The following LARS1 variants were observed in gnomAD, a reference collection of about 807,000 sequenced individuals.
The protein encoded by LARS1 is leucine--tRNA ligase, cytoplasmic.
LARS1 carries 100 observed loss-of-function variants against 162.8 expected under a neutral mutation model. The ratio of observed to expected loss-of-function variants is 0.61; its 90% CI spans 0.52 to 0.73. The LOEUF (loss-of-function observed/expected upper bound fraction) is 0.73, where lower values mean the gene tolerates loss of function less well. Among genes scored for constraint, LARS1 ranks in the 30% least tolerant of loss-of-function variants. The probability of loss-of-function intolerance (pLI) is 0.00; values close to 1 mark genes in which losing one functional copy is unlikely to be tolerated. For missense variants in LARS1, 1,258 were observed against 1,408.9 expected (o/e 0.89, Z 1.71); for synonymous variants, 457 against 462.8 (o/e 0.99, Z 0.16).
At position 146,143,406 on chromosome 5, in the gene LARS1, A is replaced by T; in HGVS notation, c.1877+6T>A. 6.2e-7 allele frequency: 1 copy of T among 1,609,670 alleles called. No individual in the cohort carries two copies. The highest frequency in any genetic ancestry group is 8.5e-7 in the Non-Finnish European group (1 of 1,177,176). On this transcript the variant is annotated splice_donor_region_variant and intron_variant, in intron 19 of 31. Coordinates refer to ENST00000394434, the MANE Select transcript of LARS1 (RefSeq NM_020117.11). Reference sequence around the variant, plus strand: ...TTATGCTCCTTTCCCTTATCTGTTTACCAACCTAATGCCCAGCGGAGACTC... The same window carrying T: ...TTATGCTCCTTTCCCTTATCTGTTTTCCAACCTAATGCCCAGCGGAGACTC...
Position 146,172,774 on chromosome 5 carries a change from G to T in LARS1, c.126C>A (p.Ser42Arg). The T allele has an allele frequency of 6.5e-7, 1 of 1,527,930 alleles. No homozygotes were observed. The highest frequency in any genetic ancestry group is 1.3e-5 in the South Asian group (1 of 77,984). 94.6% of individuals were successfully genotyped at this position (1,527,930 alleles called of 1,614,324 possible). A position where few individuals can be genotyped will look rare whatever the true frequency, so the allele number is the denominator to read the frequency against. ...VNASNLEKQT[S>R]KGKYFVTFPY... ...GGAAGGTTACAAAATACTTGCCCTT[G>T]CTGCAAAACAACAGTATAAAAAAGA... Residue 42 changes from serine (S) to arginine (R), a missense_variant and splice_region_variant, in exon 3 of 32, where the codon AGC becomes AGA. Physicochemically the swap from Ser to Arg is moderately radical, Grantham distance 110. Transcript: ENST00000394434.
intron 2 of LARS1, among the ~76,000 whole-genome samples, chr5:146,176,268 A>G (rs1004954407): frequency 1.3e-5 from 2 of 152,022 alleles, no homozygotes; most frequent in African/African-American, 2.4e-5. Flanking sequence ...CCTGGCCAAC[A>G]TGGTAAAACC....
intron 13 of LARS1, among the ~76,000 whole-genome samples, chr5:146,152,612 A>G (rs918209845): frequency 1.2e-4 from 19 of 152,212 alleles, no homozygotes; most frequent in African/African-American, 4.6e-4. Context: ...GGTCCATGGA[A>G]AAATTGTCTT....
At chr5:146,168,308 G>A (rs761470125) in intron 4 of LARS1, 43 bp from the exon 5 acceptor site, 26 of 1,561,394 alleles carry the variant, frequency 1.7e-5, no homozygotes, top group Non-Finnish European at 2.2e-5. Flanking sequence ...AATCAAGGTA[G>A]ACACAATTTC....
At chr5:146,164,224 C>T (rs74638379) in intron 6 of LARS1, 86 bp downstream of exon 6, 1 of 1,341,448 alleles carries the variant, frequency 7.5e-7, no homozygotes, top group Non-Finnish European at 1.0e-6. Flanking sequence ...AAAAAAAATC[C>T]ATGTCTGGAA....
chr5:146,124,027 C>T lies in LARS1; in HGVS notation c.3051G>A (p.Lys1017=), dbSNP rs1181965901. 4 of 1,610,902 alleles carry T rather than the reference C, an allele frequency of 2.5e-6. No homozygotes were observed. In the South Asian group the frequency reaches 4.4e-5, roughly 18 times the overall value. ...ILDLQLEFDE[K]AVLMENIVYL... is the part of the protein sequence containing the mutation. ...AGACTATATTCTCCATAAGCACAGC[C>T]TTTTCATCAAATTCTAATTGCAAAT... Residue 1017 remains lysine, a synonymous_variant, in exon 29 of 32, where the codon AAG becomes AAA. Transcript: ENST00000394434.
In LARS1 at chr5:146,143,111, T is replaced by TTA. The variant is rs3840516; in HGVS notation, c.1878-29_1878-28dup. On this transcript the variant is annotated intron_variant, in intron 19 of 31. Coordinates refer to ENST00000394434, the MANE Select transcript of LARS1 (RefSeq NM_020117.11). ...TGTATTAAAAATAAAACAAACTATTTTATATATATATATATGTAATTTCTT... is the reference window on the plus strand; with the variant it reads ...TGTATTAAAAATAAAACAAACTATTTTATATATATATATATATGTAATTTCTT... 3,267 of 1,078,206 alleles carry TTA rather than the reference T, an allele frequency of 3.0e-3. 9 individuals are homozygous for TTA. Among genetic ancestry groups the TTA allele is most frequent in the African/African-American group, 0.012 (801 of 64,772 alleles). The allele number at this position is 1,078,206 out of a possible 1,614,324, so 66.8% of individuals were successfully genotyped here.
intron 6 of LARS1, among the ~76,000 whole-genome samples, chr5:146,162,309 C>A (rs1753812933): frequency 6.6e-6 from 1 of 152,166 alleles, no homozygotes; most frequent in African/African-American, 2.4e-5. Flanking sequence ...TCATGGACTG[C>A]AGAATGAATG....
At chr5:146,167,504 C>T (rs945808215) in intron 5 of LARS1, among the ~76,000 whole-genome samples, 6 of 151,578 alleles carry the variant, frequency 4.0e-5, no homozygotes, top group Non-Finnish European at 5.9e-5. Context: ...CCAGGGTTCA[C>T]GCCATTCTGA....
chr5:146,152,834 G>A (rs1387854299), intron 13 of LARS1, among the ~76,000 whole-genome samples: 2 of 152,128 alleles, frequency 1.3e-5, no homozygotes, highest in South Asian at 2.1e-4. Context: ...CTTTGTTAAA[G>A]TTATTATGGT....
chr5:146,168,416 G>A, intron 4 of LARS1, 151 bp from the exon 5 acceptor site: 1 of 758,932 alleles, frequency 1.3e-6, no homozygotes, highest in Admixed American at 3.1e-5. Context: ...CTGAAACGGA[G>A]GCTGGGAGCA....
intron 22 of LARS1, among the ~76,000 whole-genome samples, chr5:146,134,337 C>T (rs1455874997): frequency 2.0e-5 from 3 of 152,200 alleles, no homozygotes; most frequent in South Asian, 2.1e-4. Flanking sequence ...TTATTCAATC[C>T]TAATATATAC....
At chr5:146,148,707 TAGG>T (rs1162065207) in intron 15 of LARS1, among the ~76,000 whole-genome samples, 8 of 150,700 alleles carry the variant, frequency 5.3e-5, no homozygotes, top group African/African-American at 1.5e-4. Flanking sequence ...CTTCCAAGAG[TAGG>T]AGGTTAGTGG....
At chr5:146,121,947 C>T (rs936727872) in intron 30 of LARS1, among the ~76,000 whole-genome samples, 1 of 152,082 alleles carries the variant, frequency 6.6e-6, no homozygotes, top group Non-Finnish European at 1.5e-5. Context: ...GCATGTTCTG[C>T]ACATGTATCC....
At chr5:146,114,344 T>C in intron 31 of LARS1, 33 bp from the exon 32 acceptor site, 4 of 1,550,306 alleles carry the variant, frequency 2.6e-6, no homozygotes, top group Non-Finnish European at 3.6e-6. Flanking sequence ...TATAAGCATT[T>C]AATTACAGTC....
intron 15 of LARS1, among the ~76,000 whole-genome samples, chr5:146,147,101 G>T (rs143789467): frequency 6.6e-6 from 1 of 152,012 alleles, no homozygotes; most frequent in Non-Finnish European, 1.5e-5. Context: ...CTTAACAACC[G>T]GGAGTCGCCA....
chr5:146,175,043 AC>A (rs1754492571), intron 2 of LARS1, among the ~76,000 whole-genome samples: 3 of 151,842 alleles, frequency 2.0e-5, no homozygotes, highest in Non-Finnish European at 4.4e-5. Context: ...ACATAACAAG[AC>A]CCCATTTCTA....
Position 146,138,215 on chromosome 5 carries a change from G to T in LARS1, c.2148+1989C>A. 1.6e-5 allele frequency: 3 copies of T among 184,480 alleles called. No individual in the cohort carries two copies. In the South Asian group the frequency reaches 4.7e-4, roughly 29 times the overall value. 11.4% of individuals were successfully genotyped at this position (184,480 alleles called of 1,614,324 possible). On this transcript the variant is annotated intron_variant, in intron 21 of 31. Transcript: ENST00000394434. The stretch of plus-strand genomic sequence containing the variant: ...TGCTTATGTATACAAAGCAAAGAAC[G>T]ACCATGACTCCTGGCAGCAAACCAA...
At chr5:146,145,816 T>C (rs1752982005) in intron 15 of LARS1, among the ~76,000 whole-genome samples, 1 of 151,976 alleles carries the variant, frequency 6.6e-6, no homozygotes, top group African/African-American at 2.4e-5. Context: ...AAAATTCCAA[T>C]AAAAAGACAA....
Sources: gnomAD v4.1 joint callset for allele counts (sites outside exome capture counted in the v4.1 genomes callset) on GRCh38, gnomAD v4.1.1 for gene constraint, MANE v1.5 for transcripts, NCBI Gene and HGNC (gene_info 2026-07-23, HGNC 2026-07-21) for gene names.